Variants in EPHB1 observed in about 807,000 individuals in gnomAD.
EPHB1 encodes the protein EPH receptor B1.
A neutral mutation model predicts 94.4 loss-of-function variants in EPHB1; 30 were observed. That is an observed-to-expected ratio of 0.32 (90% CI 0.24 to 0.43). The LOEUF (loss-of-function observed/expected upper bound fraction) is 0.43. Among genes scored for constraint, EPHB1 ranks in the 20% least tolerant of loss-of-function variants. The pLI is 1.00. For synonymous variants in EPHB1, 522 were observed against 489.1 expected, an observed-to-expected ratio of 1.07 and a Z score of -0.89; for missense variants, 1,055 against 1,308.3, an observed-to-expected ratio of 0.81 and a Z score of 2.99.
At chr3:135,004,976 G>C (rs1032916312) in intron 3 of EPHB1, among the ~76,000 whole-genome samples, 1 of 152,176 alleles carries the variant, frequency 6.6e-6, no homozygotes, top group African/African-American at 2.4e-5. Context: ...GTCATTCTCC[G>C]TCCAGCTTTG....
intron 3 of EPHB1, among the ~76,000 whole-genome samples, chr3:135,021,435 A>AT (rs1241859213): frequency 3.3e-5 from 5 of 151,498 alleles, no homozygotes; most frequent in South Asian, 4.2e-4. Flanking sequence ...ATTGCTTTTG[A>AT]TTTTTTTTAT....
intron 1 of EPHB1, among the ~76,000 whole-genome samples, chr3:134,921,444 C>A (rs1221706027): frequency 6.6e-6 from 1 of 152,160 alleles, no homozygotes; most frequent in African/African-American, 2.4e-5. Context: ...TTCGTTTTTC[C>A]AGTCTTTTTC....
intron 1 of EPHB1, among the ~76,000 whole-genome samples, chr3:134,879,058 C>T (rs2037675196): frequency 6.6e-6 from 1 of 152,194 alleles, no homozygotes; most frequent in South Asian, 2.1e-4. Context: ...GTGATCTTGT[C>T]TGGTGCACAG....
chr3:135,016,272 G>A (rs1252408943), intron 3 of EPHB1, among the ~76,000 whole-genome samples: 4 of 152,186 alleles, frequency 2.6e-5, no homozygotes, highest in East Asian at 3.8e-4. Flanking sequence ...GCAGATATGC[G>A]ATAATAGCAT....
intron 1 of EPHB1, among the ~76,000 whole-genome samples, chr3:134,806,657 C>G (rs1016317375): frequency 6.6e-6 from 1 of 151,936 alleles, no homozygotes; most frequent in African/African-American, 2.4e-5. Context: ...TTAGATAAAC[C>G]TAGAAAGGGA....
intron 3 of EPHB1, among the ~76,000 whole-genome samples, chr3:134,981,328 A>G (rs1437378141): frequency 6.6e-6 from 1 of 151,930 alleles, no homozygotes; most frequent in East Asian, 1.9e-4. Flanking sequence ...GCACAAATTT[A>G]CCTCTTCCTC....
At chr3:134,931,268 C>T (rs570521425) in intron 2 of EPHB1, among the ~76,000 whole-genome samples, 51 of 152,362 alleles carry the variant, frequency 3.3e-4, no homozygotes, top group African/African-American at 1.2e-3. Flanking sequence ...TTGCTTTCAG[C>T]CCCTGGCTGT....
intron 10 of EPHB1, among the ~76,000 whole-genome samples, chr3:135,188,393 G>A (rs1013892708): frequency 1.3e-5 from 2 of 152,146 alleles, no homozygotes; most frequent in Non-Finnish European, 2.9e-5. Flanking sequence ...TACTTGGGAG[G>A]CTGAGGCAGG....
At chr3:135,251,695 G>A (rs1933106491) in intron 15 of EPHB1, among the ~76,000 whole-genome samples, 1 of 152,200 alleles carries the variant, frequency 6.6e-6, no homozygotes, top group South Asian at 2.1e-4. Context: ...AACACTTTGA[G>A]CATCTCAACC....
intron 1 of EPHB1, among the ~76,000 whole-genome samples, chr3:134,801,490 A>C (rs959923612): frequency 6.6e-6 from 1 of 152,198 alleles, no homozygotes; most frequent in South Asian, 2.1e-4. Context: ...CCTGGATTCC[A>C]GGAGTCTGCA....
intron 3 of EPHB1, among the ~76,000 whole-genome samples, chr3:135,042,290 G>C (rs1374266963): frequency 6.6e-6 from 1 of 152,172 alleles, no homozygotes; most frequent in Non-Finnish European, 1.5e-5. Context: ...CATGAGGGCA[G>C]AGCCCTTATA....
chr3:134,807,497 GT>G (rs2036086800), intron 1 of EPHB1, among the ~76,000 whole-genome samples: 2 of 13,188 alleles, frequency 1.5e-4, no homozygotes, highest in Admixed American at 9.7e-4. Flanking sequence ...GGGAAGGAGT[GT>G]GTGTGTGTGT....
intron 3 of EPHB1, among the ~76,000 whole-genome samples, chr3:134,986,086 CT>C (rs1188862327): frequency 1.3e-5 from 2 of 152,202 alleles, no homozygotes; most frequent in African/African-American, 2.4e-5. Context: ...CACATGTCTT[CT>C]TAGATTACAA....
chr3:135,227,490 C>T (rs1355704760), intron 12 of EPHB1, among the ~76,000 whole-genome samples: 1 of 152,112 alleles, frequency 6.6e-6, no homozygotes, highest in Non-Finnish European at 1.5e-5. Context: ...TAATGATCTA[C>T]TCATAGGCTG....
intron 1 of EPHB1, among the ~76,000 whole-genome samples, chr3:134,813,774 G>T (rs917329419): frequency 5.9e-5 from 9 of 152,196 alleles, no homozygotes; most frequent in Non-Finnish European, 2.9e-5. Flanking sequence ...AGCCATGTTT[G>T]CTGTTATTTG....
At chr3:134,826,803 A>G (rs1450551194) in intron 1 of EPHB1, among the ~76,000 whole-genome samples, 3 of 152,128 alleles carry the variant, frequency 2.0e-5, no homozygotes, top group Non-Finnish European at 4.4e-5. Flanking sequence ...TCTATTTTGT[A>G]GGGGGAAAGG....
chr3:135,164,806 C>CAA lies in EPHB1; in HGVS notation c.1586-1140_1586-1139dup, dbSNP rs59870139. Among the ~76,000 whole-genome samples, 530 of 85,946 alleles carry CAA rather than the reference C, an allele frequency of 6.2e-3. 3 individuals are homozygous for CAA. The highest frequency in any genetic ancestry group is 9.0e-3 in the East Asian group (24 of 2,672). The allele number at this position is 85,946 out of a possible 152,430, so 56.4% of individuals were successfully genotyped here. On this transcript the variant is annotated intron_variant, in intron 7 of 15. Coordinates refer to ENST00000398015, the MANE Select transcript of EPHB1 (RefSeq NM_004441.5). The stretch of plus-strand genomic sequence containing the variant: ...CCTGGGTGACAGAGCAAGACTGTCT[C>CAA]AAAAAAAAAAAAAAAAAAAAAAAGA...
chr3:134,966,659 G>A (rs900725378), intron 3 of EPHB1, among the ~76,000 whole-genome samples: 1 of 152,262 alleles, frequency 6.6e-6, no homozygotes, highest in African/African-American at 2.4e-5. Context: ...TGCAGGAGCA[G>A]CTAAGTCACC....
intron 3 of EPHB1, among the ~76,000 whole-genome samples, chr3:135,102,401 A>C (rs1939065295): frequency 6.6e-6 from 1 of 152,104 alleles, no homozygotes; most frequent in Non-Finnish European, 1.5e-5. Flanking sequence ...TATCAACCCA[A>C]GTTAAAGCTG....
Sources: allele counts gnomAD v4.1 joint callset (sites outside exome capture counted in the v4.1 genomes callset), GRCh38; gene constraint gnomAD v4.1.1; transcripts MANE v1.5; gene names NCBI Gene and HGNC (gene_info 2026-07-23, HGNC 2026-07-21).